The following CFAP263 variants were observed in gnomAD, a reference collection of about 807,000 sequenced individuals.
CFAP263 encodes the protein cilia- and flagella-associated protein 263.
the CFAP263 span, among the ~76,000 whole-genome samples, chr16:58,278,883 T>C: frequency 6.6e-6 from 1 of 152,178 alleles, no homozygotes; most frequent in Non-Finnish European, 1.5e-5. Flanking sequence ...TAATAGTGTG[T>C]TTTTAGTTGC....
chr16:58,258,840 G>A, the CFAP263 span, among the ~76,000 whole-genome samples: 3 of 152,094 alleles, frequency 2.0e-5, no homozygotes, highest in Non-Finnish European at 2.9e-5. Flanking sequence ...TTAGCTGGGC[G>A]AGGTGTTTGT....
chr16:58,273,290 TTCTC>T, the CFAP263 span, among the ~76,000 whole-genome samples: 1 of 152,220 alleles, frequency 6.6e-6, no homozygotes, highest in Admixed American at 6.5e-5. Flanking sequence ...TCTCTTTCTT[TTCTC>T]TCTCTGTTAC....
At chr16:58,274,827 G>T in the CFAP263 span, among the ~76,000 whole-genome samples, 2 of 152,326 alleles carry the variant, frequency 1.3e-5, no homozygotes, top group South Asian at 2.1e-4. Flanking sequence ...CTGCACTGCT[G>T]CCCTGGAACT....
At chr16:58,270,903 A>G in the CFAP263 span, among the ~76,000 whole-genome samples, 2 of 152,270 alleles carry the variant, frequency 1.3e-5, no homozygotes, top group African/African-American at 4.8e-5. Flanking sequence ...TTGAGTTACT[A>G]TCTGGCGTTT....
the CFAP263 span, among the ~76,000 whole-genome samples, chr16:58,256,330 G>C: frequency 6.6e-6 from 1 of 152,216 alleles, no homozygotes; most frequent in Non-Finnish European, 1.5e-5. Flanking sequence ...AGAGATCAGA[G>C]ATCAGTATGG....
chr16:58,277,935 G>A, the CFAP263 span, among the ~76,000 whole-genome samples: 1 of 152,076 alleles, frequency 6.6e-6, no homozygotes, highest in Non-Finnish European at 1.5e-5. Context: ...GAGGGAAGGA[G>A]GAGTGATTGT....
chr16:58,279,716 C>T, the CFAP263 span: 1 of 1,610,978 alleles, frequency 6.2e-7, no homozygotes, highest in Non-Finnish European at 8.5e-7. Context: ...CATCGTAAGG[C>T]TTGGAATCGA....
the CFAP263 span, chr16:58,278,443 C>T: frequency 6.2e-7 from 1 of 1,601,384 alleles, no homozygotes; most frequent in Non-Finnish European, 8.5e-7. Context: ...GCAAGAGCTG[C>T]TGGGGTTCCC....
At chr16:58,250,144 C>G in the CFAP263 span, 1 of 1,406,210 alleles carries the variant, frequency 7.1e-7, no homozygotes, top group East Asian at 2.5e-5. Context: ...GGGGGCCGCC[C>G]CTCTTCCTCC....
chr16:58,279,364 C>T, the CFAP263 span, among the ~76,000 whole-genome samples: 1 of 152,204 alleles, frequency 6.6e-6, no homozygotes, highest in Non-Finnish European at 1.5e-5. Context: ...GGCCATTTTG[C>T]AGCAGAGAGT....
the CFAP263 span, among the ~76,000 whole-genome samples, chr16:58,254,588 CT>C: frequency 6.6e-6 from 1 of 151,190 alleles, no homozygotes; most frequent in African/African-American, 2.4e-5. Context: ...CCTAAATGCT[CT>C]TAAAATTTTA....
the CFAP263 span, chr16:58,262,370 C>G: frequency 6.3e-7 from 1 of 1,587,314 alleles, no homozygotes; most frequent in Non-Finnish European, 8.6e-7. Context: ...TTTCTTTCAT[C>G]TTTCTGAGCT....
At chr16:58,259,772 C>A in the CFAP263 span, 1 of 876,186 alleles carries the variant, frequency 1.1e-6, no homozygotes, top group Non-Finnish European at 1.8e-6. Flanking sequence ...GGTTTGCAGC[C>A]CCAGAACCAT....
chr16:58,254,165 C>A, the CFAP263 span: 75 of 1,614,106 alleles, frequency 4.6e-5, 1 homozygote, highest in Middle Eastern at 4.6e-3. Flanking sequence ...ACGAGGTACA[C>A]CTTCCTGCCA....
the CFAP263 span, chr16:58,252,904 CAA>C: frequency 6.3e-7 from 1 of 1,590,288 alleles, no homozygotes; most frequent in Non-Finnish European, 8.6e-7. Flanking sequence ...ACCTTAAATG[CAA>C]GTGGTATTTG....
At chr16:58,275,917 G>A in the CFAP263 span, among the ~76,000 whole-genome samples, 1 of 152,124 alleles carries the variant, frequency 6.6e-6, no homozygotes, top group Non-Finnish European at 1.5e-5. Flanking sequence ...TATAATCTTG[G>A]AATGAAGAGG....
At chr16:58,282,696 G>A in the CFAP263 span, 1 of 152,260 alleles carries the variant, frequency 6.6e-6, no homozygotes, top group East Asian at 1.9e-4. Flanking sequence ...CAATTGACTG[G>A]TGAAGAGGCC....
chr16:58,254,510 A>G, the CFAP263 span, among the ~76,000 whole-genome samples: 2 of 152,170 alleles, frequency 1.3e-5, no homozygotes, highest in Non-Finnish European at 2.9e-5. Flanking sequence ...ATCCTAGTGA[A>G]TCTCTGTACA....
chr16:58,280,253 C>T, the CFAP263 span: 2 of 1,612,904 alleles, frequency 1.2e-6, no homozygotes, highest in East Asian at 2.2e-5. Flanking sequence ...AAAACAAGCA[C>T]GAAGGAAACC....
Sources: gnomAD v4.1 joint callset for allele counts (sites outside exome capture counted in the v4.1 genomes callset) on GRCh38, gnomAD v4.1.1 for gene constraint, MANE v1.5 for transcripts, NCBI Gene and HGNC (gene_info 2026-07-23, HGNC 2026-07-21) for gene names.